Variants in SHE observed in about 807,000 individuals in gnomAD.
SHE encodes SH2 domain-containing adapter protein E.
Under a neutral mutation model 49.8 loss-of-function variants are expected in SHE, and 11 were observed. The observed-to-expected ratio is 0.22, with a 90% CI of 0.14 to 0.37. SHE has a LOEUF of 0.37. Among genes scored for constraint, SHE ranks in the 10% least tolerant of loss-of-function variants. The probability of loss-of-function intolerance (pLI) is 1.00; values close to 1 mark genes in which losing one functional copy is unlikely to be tolerated. For missense variants in SHE, 624 were observed against 655.5 expected (o/e 0.95, Z 0.52); for synonymous variants, 310 against 278.1 (o/e 1.11, Z -1.14).
chr1:154,470,066 C>T lies in SHE; in HGVS notation c.*275G>A, dbSNP rs192925452. 1.7e-3 allele frequency: 573 copies of T among 334,482 alleles called. 8 individuals are homozygous for T. The Admixed American group carries it at 0.021, about 12-fold the overall frequency. 20.7% of individuals were successfully genotyped at this position (334,482 alleles called of 1,614,324 possible). On this transcript the variant is annotated 3_prime_UTR_variant, in exon 2 of 2. Transcript: ENST00000486773. ...TCAAAGCTGGACTGAGAGGCGCCGC[C>T]TCTGGGCCCCCACCTGGGCAGTCAG...
chr1:154,477,724 C>A (rs1691912484), downstream of SHE, among the ~76,000 whole-genome samples: 1 of 151,938 alleles, frequency 6.6e-6, no homozygotes, highest in Non-Finnish European at 1.5e-5. Flanking sequence ...AACCCCGTTT[C>A]TACTAACAAT....
downstream of SHE, among the ~76,000 whole-genome samples, chr1:154,476,072 G>A (rs1188874606): frequency 6.6e-6 from 1 of 152,150 alleles, no homozygotes; most frequent in Non-Finnish European, 1.5e-5. Flanking sequence ...CCAGGACGGT[G>A]CAGTGGCTCA....
Position 154,483,970 on chromosome 1 carries a change from C to A in SHE, c.*179G>T, listed in dbSNP as rs893515554. ...CCAAGATTGCGCCATTGCACTCCAG[C>A]CTGGGCAACACAGCGAGACTTCGTC... On this transcript the variant is annotated 3_prime_UTR_variant, in exon 6 of 6. Transcript: ENST00000304760. 2.6e-5 allele frequency: 36 copies of A among 1,404,788 alleles called. No individual in the cohort carries two copies. Among genetic ancestry groups the A allele is most frequent in the Non-Finnish European group, 3.0e-5 (32 of 1,080,538 alleles). 87.0% of individuals were successfully genotyped at this position (1,404,788 alleles called of 1,614,324 possible).
Position 154,501,896 on chromosome 1 carries a change from T to G in SHE, c.131A>C (p.Glu44Ala). Residue 44 changes from glutamate to alanine, a missense_variant, in exon 1 of 6, where the codon GAG (glutamate) becomes GCG (alanine). Physicochemically the swap from Glu to Ala is moderately radical, Grantham distance 107. Transcript: ENST00000304760. ...GPLMAAKWFK[E>A]FPLNLKTVSE... ...CACGGTCTTCAGGTTCAGGGGGAAC[T>G]CCTTGAACCACTTGGCCGCCATGAG... 1 of 1,516,724 alleles carries G rather than the reference T, an allele frequency of 6.6e-7. No individual in the cohort carries two copies. Among genetic ancestry groups the G allele is most frequent in the African/African-American group, 1.4e-5 (1 of 70,716 alleles). The allele number at this position is 1,516,724 out of a possible 1,614,324, so 94.0% of individuals were successfully genotyped here.
Position 154,499,099 on chromosome 1 carries a change from C to T in SHE, c.718+13G>A. On this transcript the variant is annotated intron_variant, in intron 2 of 5. Coordinates refer to ENST00000304760, the MANE Select transcript of SHE (RefSeq NM_001010846.3). ...AGATTTCAGTCTCTATTCTGTAGAG[C>T]CTGCTTACAAACCTGTTATCATTTG... 6.2e-7 allele frequency: 1 copy of T among 1,613,504 alleles called. No individual in the cohort carries two copies. Among genetic ancestry groups the T allele is most frequent in the Non-Finnish European group, 8.5e-7 (1 of 1,179,686 alleles).
intron 3 of SHE, among the ~76,000 whole-genome samples, chr1:154,488,536 G>C (rs1692256240): frequency 6.6e-6 from 1 of 151,480 alleles, no homozygotes; most frequent in Non-Finnish European, 1.5e-5. Flanking sequence ...GGGATTACAG[G>C]TGTGAGCCAC....
Position 154,482,944 on chromosome 1 carries a change from C to A in SHE, c.*1205G>T, listed in dbSNP as rs1168125648. 1.0e-6 allele frequency: 1 copy of A among 984,798 alleles called. No homozygotes were observed. The highest frequency in any genetic ancestry group is 4.7e-5 in the South Asian group (1 of 21,270). 61.0% of individuals were successfully genotyped at this position (984,798 alleles called of 1,614,324 possible). ...TACAAAGCAAATCTAATTTTAGAGA[C>A]AAAAATTAAAAATTATTCCATAGCA... On this transcript the variant is annotated 3_prime_UTR_variant, in exon 6 of 6. Transcript: ENST00000304760.
chr1:154,500,268 T>C (rs1692665418), intron 1 of SHE, among the ~76,000 whole-genome samples: 1 of 152,218 alleles, frequency 6.6e-6, no homozygotes, highest in Admixed American at 6.5e-5. Flanking sequence ...CAAGATACAG[T>C]GAGCCCTTGG....
chr1:154,484,303 G>A lies in SHE; in HGVS notation c.1334C>T (p.Ala445Val), dbSNP rs1557796537. The A allele has an allele frequency of 1.2e-6, 2 of 1,614,198 alleles. No individual in the cohort carries two copies. Among genetic ancestry groups the A allele is most frequent in the Non-Finnish European group, 8.5e-7 (1 of 1,180,038 alleles). The change falls in exon 6 of 6, where the codon GCT becomes GTT. Residue 445 changes from alanine to valine, a missense_variant. Transcript: ENST00000304760. Reference sequence around the variant, plus strand: ...TGTGTATTTGTTGTCTTTGGTCTGAGCCACTATGATGTGGACACATCCTTG... The same window carrying A: ...TGTGTATTTGTTGTCTTTGGTCTGAACCACTATGATGTGGACACATCCTTG... ...TSQGCVHIIV[A>V]QTKDNKYTLN...
rs749967771 is a variant in SHE at position 154,480,858 on chromosome 1, CTT to C, written c.*3289_*3290del. ...TAAATAGCAAGGTCCTTTACTCTCT[CTT>C]CTTATAGGCCTGAAACTAACCAACT... On this transcript the variant is annotated 3_prime_UTR_variant, in exon 6 of 6. Coordinates refer to ENST00000304760, the MANE Select transcript of SHE (RefSeq NM_001010846.3). 25 of 985,286 alleles carry C rather than the reference CTT, an allele frequency of 2.5e-5. No homozygotes were observed. The highest frequency in any genetic ancestry group is 2.5e-4 in the Admixed American group (4 of 16,254). 61.0% of individuals were successfully genotyped at this position (985,286 alleles called of 1,614,324 possible).
intron 1 of SHE, among the ~76,000 whole-genome samples, chr1:154,473,786 G>A (rs984372776): frequency 1.3e-5 from 2 of 151,592 alleles, no homozygotes; most frequent in Admixed American, 6.6e-5. Context: ...CCTGGGTGAC[G>A]AGTGAGACCC....
intron 2 of SHE, among the ~76,000 whole-genome samples, chr1:154,493,477 G>A (rs757105844): frequency 5.9e-5 from 9 of 152,284 alleles, no homozygotes; most frequent in Non-Finnish European, 8.8e-5. Context: ...CCTGGCTGCC[G>A]ATAGAGGCCA....
Position 154,483,235 on chromosome 1 carries a change from T to G in SHE, c.*914A>C. 1.0e-6 allele frequency: 1 copy of G among 985,400 alleles called. No homozygotes were observed. The highest frequency in any genetic ancestry group is 1.2e-6 in the Non-Finnish European group (1 of 829,924). 61.0% of individuals were successfully genotyped at this position (985,400 alleles called of 1,614,324 possible). A position where few individuals can be genotyped will look rare whatever the true frequency, so the allele number is the denominator to read the frequency against. ...TAAAAAATGAGAAAATCCACAGAGA[T>G]TGAGAGAACACACACTTTCTTGGAA... On this transcript the variant is annotated 3_prime_UTR_variant, in exon 6 of 6. Coordinates refer to ENST00000304760, the MANE Select transcript of SHE (RefSeq NM_001010846.3).
At chr1:154,485,837 T>G (rs914893099) in intron 5 of SHE, 106 bp downstream of exon 5, 3 of 1,384,388 alleles carry the variant, frequency 2.2e-6, no homozygotes, top group Non-Finnish European at 3.0e-6. Flanking sequence ...TTTTCTGCAA[T>G]GCACACCCCT....
Position 154,489,071 on chromosome 1 carries a change from T to A in SHE, c.1004A>T (p.Gln335Leu), listed in dbSNP as rs1323427460. Residue 335 changes from glutamine to leucine, a missense_variant, in exon 3 of 6, where the codon CAG becomes CTG. Physicochemically the swap from Gln to Leu is moderately radical, Grantham distance 113. Coordinates refer to ENST00000304760, the MANE Select transcript of SHE (RefSeq NM_001010846.3). ...CTCACCTGACAGAGCCCGCACGATC[T>A]GCTCCTTCTTCCACTCCCATGGCTG... ...YEQPWEWKKE[Q>L]IVRALSVQFE... 1 of 1,592,670 alleles carries A rather than the reference T, an allele frequency of 6.3e-7. No homozygotes were observed. The highest frequency in any genetic ancestry group is 8.6e-7 in the Non-Finnish European group (1 of 1,167,174).
downstream of SHE, among the ~76,000 whole-genome samples, chr1:154,476,408 G>A (rs1016525858): frequency 2.5e-4 from 38 of 152,146 alleles, no homozygotes; most frequent in African/African-American, 8.7e-4. Flanking sequence ...ACTTTGGGAG[G>A]TCGAGGCAGG....
chr1:154,496,049 TA>T (rs1692519462), intron 2 of SHE, among the ~76,000 whole-genome samples: 1 of 152,154 alleles, frequency 6.6e-6, no homozygotes, highest in Non-Finnish European at 1.5e-5. Context: ...GTAAAAGGTT[TA>T]AAAAACAAAA....
At chr1:154,485,790 G>C (rs1470852941) in intron 5 of SHE, 153 bp downstream of exon 5, 3 of 815,952 alleles carry the variant, frequency 3.7e-6, no homozygotes, top group Admixed American at 5.7e-5. Context: ...TCTCATCCAA[G>C]TGTCTCATGT....
chr1:154,480,028 A>ATC lies in SHE; in HGVS notation c.*4119_*4120dup. ...TCCCATTAGATGGCAGTAACGCACCATCTCTCTTCACACAGGGTCAGCGGT... is the reference window on the plus strand; with the variant it reads ...TCCCATTAGATGGCAGTAACGCACCATCTCTCTCTTCACACAGGGTCAGCGGT... On this transcript the variant is annotated 3_prime_UTR_variant, in exon 6 of 6. Transcript: ENST00000304760. The ATC allele has an allele frequency of 3.0e-6, 3 of 985,458 alleles. No individual in the cohort carries two copies. In the African/African-American group the frequency reaches 5.2e-5, roughly 17 times the overall value. The allele number at this position is 985,458 out of a possible 1,614,324, so 61.0% of individuals were successfully genotyped here. A position where few individuals can be genotyped will look rare whatever the true frequency, so the allele number is the denominator to read the frequency against.
Sources: gnomAD v4.1 joint callset for allele counts (sites outside exome capture counted in the v4.1 genomes callset) on GRCh38, gnomAD v4.1.1 for gene constraint, MANE v1.5 for transcripts, NCBI Gene and HGNC (gene_info 2026-07-23, HGNC 2026-07-21) for gene names.